The following IFTAP variants were observed in gnomAD, a reference collection of about 807,000 sequenced individuals.
The protein encoded by IFTAP is intraflagellar transport associated protein.
IFTAP carries 19 observed loss-of-function variants against 19.4 expected under a neutral mutation model. That is an observed-to-expected ratio of 0.98 (90% CI 0.68 to 1.44). IFTAP has a LOEUF of 1.44. Among genes scored for constraint, IFTAP ranks in the 40% most tolerant of loss-of-function variants. IFTAP has a pLI of 0.00. For synonymous variants in IFTAP, 85 were observed against 83.5 expected (o/e 1.02, Z -0.10); for missense variants, 240 against 253.6 (o/e 0.95, Z 0.36).
At chr11:36,596,222 G>GGTTT (rs1554947874) in intron 1 of IFTAP, among the ~76,000 whole-genome samples, 1 of 118,368 alleles carries the variant, frequency 8.4e-6, no homozygotes, top group African/African-American at 3.1e-5. Flanking sequence ...TTTTTTTTTT[G>GGTTT]TTTTTTTTTT....
intron 1 of IFTAP, among the ~76,000 whole-genome samples, chr11:36,599,407 C>G (rs1431918558): frequency 6.6e-6 from 1 of 152,142 alleles, no homozygotes; most frequent in Non-Finnish European, 1.5e-5. Context: ...ATGTAATGAT[C>G]AGAGCTAGGC....
At chr11:36,599,612 G>T (rs2133345540) in intron 1 of IFTAP, among the ~76,000 whole-genome samples, 1 of 151,966 alleles carries the variant, frequency 6.6e-6, no homozygotes, top group East Asian at 1.9e-4. Flanking sequence ...CTAATTTTTT[G>T]CAAAATTTTA....
intron 2 of IFTAP, among the ~76,000 whole-genome samples, chr11:36,630,025 G>T (rs1378090797): frequency 6.6e-6 from 1 of 151,154 alleles, no homozygotes; most frequent in Non-Finnish European, 1.5e-5. Context: ...TAAGATGAAA[G>T]GGTGGAAGAG....
intron 2 of IFTAP, among the ~76,000 whole-genome samples, chr11:36,625,916 G>A (rs888034525): frequency 6.9e-6 from 1 of 145,244 alleles, no homozygotes; most frequent in Non-Finnish European, 1.5e-5. Flanking sequence ...GAGTGCAAAG[G>A]CCAGGTCATA....
At chr11:36,635,668 G>T (rs572984669) in intron 3 of IFTAP, among the ~76,000 whole-genome samples, 1 of 152,112 alleles carries the variant, frequency 6.6e-6, no homozygotes. Context: ...GCCACCATTT[G>T]CTTGACAGGC....
At position 36,645,405 on chromosome 11, in the gene IFTAP, A is replaced by G. The variant is rs569618951; in HGVS notation, c.359-2611A>G. Among the ~76,000 whole-genome samples the G allele has an allele frequency of 7.9e-5, 12 of 152,262 alleles. No individual in the cohort carries two copies. The East Asian group carries it at 1.2e-3, about 15-fold the overall frequency. ...CATTTTTGAAAGTGGCCCTGATTCT[A>G]TGATGCCAAGATGGTTGCATTTCAT... On this transcript the variant is annotated intron_variant, in intron 4 of 5. Coordinates refer to ENST00000334307, the MANE Select transcript of IFTAP (RefSeq NM_138787.4).
At position 36,610,244 on chromosome 11, in the gene IFTAP, A is replaced by C; in HGVS notation, c.136+5A>C. On this transcript the variant is annotated splice_donor_5th_base_variant and intron_variant, in intron 2 of 5. Coordinates refer to ENST00000334307, the MANE Select transcript of IFTAP (RefSeq NM_138787.4). ...CTTTTACTCATCTTTCACAAGGTAA[A>C]ATGGAGAAGTAAACTTTCTGCAGCA... 1 of 1,597,120 alleles carries C rather than the reference A, an allele frequency of 6.3e-7. No individual in the cohort carries two copies.
chr11:36,628,291 A>G (rs1852595523), intron 2 of IFTAP, among the ~76,000 whole-genome samples: 1 of 151,070 alleles, frequency 6.6e-6, no homozygotes, highest in South Asian at 2.1e-4. Context: ...GTGTGTTCCC[A>G]CCTTGAGGGC....
At chr11:36,622,021 A>T (rs1590212138) in intron 2 of IFTAP, among the ~76,000 whole-genome samples, 1 of 151,886 alleles carries the variant, frequency 6.6e-6, no homozygotes, top group African/African-American at 2.4e-5. Context: ...TAACAATAAG[A>T]ATGATTAGAA....
At chr11:36,629,331 A>G (rs1565019269) in intron 2 of IFTAP, among the ~76,000 whole-genome samples, 2 of 151,318 alleles carry the variant, frequency 1.3e-5, no homozygotes, top group Admixed American at 1.3e-4. Flanking sequence ...GTTGCACAGA[A>G]TTGTCCCCCT....
intron 4 of IFTAP, among the ~76,000 whole-genome samples, chr11:36,645,353 C>A (rs1853439502): frequency 6.6e-6 from 1 of 152,086 alleles, no homozygotes; most frequent in Non-Finnish European, 1.5e-5. Context: ...AATACTTCAA[C>A]CAGTCTTGCC....
chr11:36,652,482 A>G (rs1011799649), intron 5 of IFTAP, among the ~76,000 whole-genome samples: 1 of 152,200 alleles, frequency 6.6e-6, no homozygotes, highest in African/African-American at 2.4e-5. Context: ...TAGATAGACA[A>G]TCATATCATC....
chr11:36,655,244 C>G (rs555310416), intron 5 of IFTAP, among the ~76,000 whole-genome samples: 16 of 152,202 alleles, frequency 1.1e-4, no homozygotes, highest in Non-Finnish European at 1.8e-4. Context: ...ATGGTCTGCT[C>G]ATGGAAACTC....
At chr11:36,654,622 G>A (rs1853897970) in intron 5 of IFTAP, among the ~76,000 whole-genome samples, 1 of 151,916 alleles carries the variant, frequency 6.6e-6, no homozygotes, top group South Asian at 2.1e-4. Flanking sequence ...CTCCAAATTG[G>A]TATCTCTAGC....
chr11:36,635,668 G>A (rs572984669), intron 3 of IFTAP, among the ~76,000 whole-genome samples: 54 of 152,230 alleles, frequency 3.5e-4, no homozygotes, highest in African/African-American at 1.3e-3. Context: ...GCCACCATTT[G>A]CTTGACAGGC....
Position 36,632,242 on chromosome 11 carries a change from CAATG to C in IFTAP, c.137-1037_137-1034del, listed in dbSNP as rs984712913. ...GAGATGCTCACAAAAGAGTGCCACT[CAATG>C]AATGTTAACCCTGATTATTAATTTT... is the stretch of plus-strand genomic sequence containing the variant. On this transcript the variant is annotated intron_variant, in intron 2 of 5. Coordinates refer to ENST00000334307, the MANE Select transcript of IFTAP (RefSeq NM_138787.4). Among the ~76,000 whole-genome samples, 8 of 151,066 alleles carry C rather than the reference CAATG, an allele frequency of 5.3e-5. 1 individual carries two copies. The highest frequency in any genetic ancestry group is 2.0e-4 in the African/African-American group (8 of 40,456).
In IFTAP at chr11:36,627,363, G is replaced by A. The variant is rs546074959; in HGVS notation, c.137-5921G>A. On this transcript the variant is annotated intron_variant, in intron 2 of 5. Coordinates refer to ENST00000334307, the MANE Select transcript of IFTAP (RefSeq NM_138787.4). The stretch of plus-strand genomic sequence containing the variant: ...AATTACACCTCAGTAAAGCTGTGGG[G>A]AAGTGGAGGTATTGTTCATGGATAC... 7.9e-5 allele frequency among the ~76,000 whole-genome samples: 12 copies of A among 151,258 alleles called. No individual in the cohort carries two copies. The South Asian group carries it at 2.5e-3, about 31-fold the overall frequency.
intron 2 of IFTAP, among the ~76,000 whole-genome samples, chr11:36,629,446 T>C (rs1852646518): frequency 6.6e-6 from 1 of 151,364 alleles, no homozygotes; most frequent in Admixed American, 6.6e-5. Context: ...GAACAGACAC[T>C]CCGAGGTTGC....
chr11:36,627,754 G>T (rs1852568857), intron 2 of IFTAP, among the ~76,000 whole-genome samples: 1 of 150,984 alleles, frequency 6.6e-6, no homozygotes, highest in Non-Finnish European at 1.5e-5. Context: ...TATGGGATGG[G>T]TATGTGTGGC....
Sources: allele counts gnomAD v4.1 joint callset (sites outside exome capture counted in the v4.1 genomes callset), GRCh38; gene constraint gnomAD v4.1.1; transcripts MANE v1.5; gene names NCBI Gene and HGNC (gene_info 2026-07-23, HGNC 2026-07-21).